The following DNAJB14 variants were observed in gnomAD, a reference collection of about 807,000 sequenced individuals.
The protein encoded by DNAJB14 is dnaJ homolog subfamily B member 14.
Under a neutral mutation model 48.4 loss-of-function variants are expected in DNAJB14, and 22 were observed. That is an observed-to-expected ratio of 0.45 (90% confidence interval 0.32 to 0.65). The LOEUF is 0.65. DNAJB14 is among the 30% of genes least tolerant of loss of function. DNAJB14 has a pLI of 0.03. For synonymous variants in DNAJB14, 142 were observed against 158.7 expected (o/e 0.89, Z 0.79); for missense variants, 319 against 458.8 (o/e 0.70, Z 2.78).
intron 2 of DNAJB14, chr4:99,924,824 TCAAAG>T: frequency 6.4e-7 from 1 of 1,559,712 alleles, no homozygotes; most frequent in Non-Finnish European, 8.8e-7. Context: ...CTCTGAAAAA[TCAAAG>T]TTATTCTATA....
chr4:99,911,535 C>T (rs1725660321), intron 3 of DNAJB14, among the ~76,000 whole-genome samples: 1 of 144,450 alleles, frequency 6.9e-6, no homozygotes, highest in African/African-American at 2.7e-5. Flanking sequence ...TTCCCTGCAT[C>T]CATACCAGCA....
intron 3 of DNAJB14, among the ~76,000 whole-genome samples, chr4:99,920,877 TAC>T (rs1726029773): frequency 6.6e-6 from 1 of 152,220 alleles, no homozygotes. Flanking sequence ...TTTTAGTAAT[TAC>T]AGAGCAATCA....
At chr4:99,932,228 G>GA (rs947293793) in intron 1 of DNAJB14, among the ~76,000 whole-genome samples, 29 of 148,684 alleles carry the variant, frequency 2.0e-4, no homozygotes, top group African/African-American at 4.2e-4. Context: ...CAACAGAATG[G>GA]AAAAAAAAAT....
At chr4:99,926,526 A>C (rs992688402) in intron 2 of DNAJB14, 14 of 152,184 alleles carry the variant, frequency 9.2e-5, no homozygotes. Flanking sequence ...AAGGTAAATT[A>C]AACACTGAAC....
intron 3 of DNAJB14, among the ~76,000 whole-genome samples, chr4:99,914,837 C>T (rs1256651379): frequency 2.0e-5 from 3 of 152,090 alleles, no homozygotes; most frequent in Non-Finnish European, 4.4e-5. Flanking sequence ...ATAGTATTCT[C>T]TTATTATCCG....
chr4:99,924,175 T>C (rs1169337774), intron 2 of DNAJB14: 1 of 152,344 alleles, frequency 6.6e-6, no homozygotes, highest in Non-Finnish European at 1.5e-5. Context: ...TTTGCAACTT[T>C]AGATGTGTTC....
At chr4:99,910,220 GA>G (rs1185609646) in intron 3 of DNAJB14, 1 of 152,006 alleles carries the variant, frequency 6.6e-6, no homozygotes, top group Non-Finnish European at 1.5e-5. Context: ...AAAATTAGGT[GA>G]ATGATCCATC....
rs114846033 is a variant in DNAJB14 at position 99,942,227 on chromosome 4, C to T, written c.133+4212G>A. On this transcript the variant is annotated intron_variant, in intron 1 of 7. Transcript: ENST00000442697. The stretch of plus-strand genomic sequence containing the variant: ...CATAATTTGGATTATCATACTTATC[C>T]GTTCATTACAGTAGATGAAGAATGG... The T allele has an allele frequency of 2.3e-3, 351 of 151,930 alleles. 3 individuals carry two copies. Among genetic ancestry groups the T allele is most frequent in the African/African-American group, 7.8e-3 (324 of 41,490 alleles). 9.4% of individuals were successfully genotyped at this position (151,930 alleles called of 1,614,324 possible).
intron 1 of DNAJB14, among the ~76,000 whole-genome samples, chr4:99,945,375 C>T (rs1018704465): frequency 1.1e-4 from 17 of 152,124 alleles, no homozygotes; most frequent in Non-Finnish European, 2.5e-4. Flanking sequence ...AAACAAGTGG[C>T]CCCATATTTT....
intron 1 of DNAJB14, among the ~76,000 whole-genome samples, chr4:99,933,303 C>CTTTTTTTTTTTT (rs759298582): frequency 3.4e-5 from 3 of 88,776 alleles, no homozygotes; most frequent in African/African-American, 4.5e-5. Context: ...CATAAACAGT[C>CTTTTTTTTTTTT]TTTTTTTTTT....
chr4:99,904,003 TG>T, intron 6 of DNAJB14, 105 bp from the exon 7 acceptor site: 1 of 1,198,706 alleles, frequency 8.3e-7, no homozygotes. Context: ...AAGTTAATAT[TG>T]GTAATACAGG....
In DNAJB14 at chr4:99,896,570, A is replaced by G. The variant is rs1725152340; in HGVS notation, c.*4458T>C. 1 of 152,218 alleles carries G rather than the reference A, an allele frequency of 6.6e-6. No individual in the cohort carries two copies. Among genetic ancestry groups the G allele is most frequent in the African/African-American group, 2.4e-5 (1 of 41,474 alleles). 9.4% of individuals were successfully genotyped at this position (152,218 alleles called of 1,614,324 possible). A position where few individuals can be genotyped will look rare whatever the true frequency, so the allele number is the denominator to read the frequency against. On this transcript the variant is annotated 3_prime_UTR_variant, in exon 8 of 8. Coordinates refer to ENST00000442697, the MANE Select transcript of DNAJB14 (RefSeq NM_001031723.4). Reference sequence around the variant, plus strand: ...CAGCTTTTAAAAACACATAAAGTAAATGGAAAGAAAGTCTTATGTAGCAAT... The same window carrying G: ...CAGCTTTTAAAAACACATAAAGTAAGTGGAAAGAAAGTCTTATGTAGCAAT...
intron 2 of DNAJB14, chr4:99,928,303 T>G (rs1487990663): frequency 6.4e-6 from 1 of 155,512 alleles, no homozygotes; most frequent in Non-Finnish European, 1.4e-5. Flanking sequence ...GACAGCCTCA[T>G]CTCCAATTTG....
intron 1 of DNAJB14, among the ~76,000 whole-genome samples, chr4:99,941,051 T>A (rs1726874793): frequency 6.6e-6 from 1 of 152,116 alleles, no homozygotes. Context: ...TTTAGTTATT[T>A]ATTTAACAAA....
rs1230430407 is a variant in DNAJB14, at chr4:99,897,826, C to T, written c.*3202G>A. On this transcript the variant is annotated 3_prime_UTR_variant, in exon 8 of 8. Transcript: ENST00000442697. The stretch of plus-strand genomic sequence containing the variant: ...ATAGGATAGTACTGAACCCAAGCTT[C>T]ACATGGGGAAGCTCAAGAAATGTAC... 4.6e-5 allele frequency: 7 copies of T among 152,020 alleles called. No homozygotes were observed. The highest frequency in any genetic ancestry group is 1.7e-4 in the African/African-American group (7 of 41,430). 9.4% of individuals were successfully genotyped at this position (152,020 alleles called of 1,614,324 possible). A position where few individuals can be genotyped will look rare whatever the true frequency, so the allele number is the denominator to read the frequency against.
intron 2 of DNAJB14, among the ~76,000 whole-genome samples, chr4:99,924,114 A>G (rs990205170): frequency 2.0e-5 from 3 of 152,110 alleles, no homozygotes; most frequent in African/African-American, 7.2e-5. Context: ...ACAACCTAGT[A>G]ATTTACTTTC....
chr4:99,934,789 CAAAAAAAAAAAAAAAAAAAA>C (rs1167945149), intron 1 of DNAJB14, among the ~76,000 whole-genome samples: 1 of 6,774 alleles, frequency 1.5e-4, no homozygotes, highest in South Asian at 0.011. Context: ...AAGACTGTCT[CAAAAAAAAAAAAAAAAAAAA>C]AAAAAAAAAA....
At chr4:99,915,217 G>A (rs1416180659) in intron 3 of DNAJB14, among the ~76,000 whole-genome samples, 8 of 151,874 alleles carry the variant, frequency 5.3e-5, no homozygotes, top group Admixed American at 2.6e-4. Context: ...AGTTCACTGC[G>A]AGCTCCGCCT....
intron 2 of DNAJB14, chr4:99,926,859 T>C (rs1047979583): frequency 1.3e-5 from 2 of 152,172 alleles, no homozygotes; most frequent in African/African-American, 4.8e-5. Flanking sequence ...GAAGAAATTC[T>C]TGAGAAGCCA....
Sources: gnomAD v4.1 joint callset for allele counts (sites outside exome capture counted in the v4.1 genomes callset) on GRCh38, gnomAD v4.1.1 for gene constraint, MANE v1.5 for transcripts, NCBI Gene and HGNC (gene_info 2026-07-23, HGNC 2026-07-21) for gene names.